ZNF273: variants seen among roughly 807,000 people sequenced by gnomAD.
ZNF273 encodes the protein zinc finger protein 9.
Under a neutral mutation model 14.9 loss-of-function variants are expected in ZNF273, and 11 were observed. The ratio of observed to expected loss-of-function variants is 0.74; its 90% CI spans 0.46 to 1.22. The LOEUF (loss-of-function observed/expected upper bound fraction) is 1.22, where lower values mean the gene tolerates loss of function less well. Ranked by LOEUF, ZNF273 falls within the 50% of genes most tolerant of loss-of-function variation. ZNF273 has a pLI of 0.00. For missense variants in ZNF273, 577 were observed against 660.6 expected (o/e 0.87, Z 1.39); for synonymous variants, 199 against 223.9 (o/e 0.89, Z 0.99).
intron 3 of ZNF273, among the ~76,000 whole-genome samples, chr7:64,927,158 T>C (rs1794804468): frequency 6.6e-6 from 1 of 152,212 alleles, no homozygotes; most frequent in African/African-American, 2.4e-5. Flanking sequence ...AATGGCGTAG[T>C]CTCAGCTCAC....
chr7:64,914,822 A>T (rs1793838133), intron 1 of ZNF273, among the ~76,000 whole-genome samples: 1 of 138,928 alleles, frequency 7.2e-6, no homozygotes, highest in Non-Finnish European at 1.6e-5. Context: ...GGCGGTGCTG[A>T]CACTTCAAAG....
intron 1 of ZNF273, among the ~76,000 whole-genome samples, chr7:64,908,281 G>T (rs1254558596): frequency 2.0e-5 from 3 of 152,176 alleles, no homozygotes; most frequent in Non-Finnish European, 4.4e-5. Flanking sequence ...CGTGGTACAC[G>T]TGCTGATTTG....
At chr7:64,897,068 G>C (rs1331298938) in intron 3 of ZNF273, among the ~76,000 whole-genome samples, 1 of 152,206 alleles carries the variant, frequency 6.6e-6, no homozygotes, top group Non-Finnish European at 1.5e-5. Context: ...GAAGCAGAGA[G>C]TAGAATGATG....
chr7:64,895,777 G>T (rs1386610835), intron 3 of ZNF273, among the ~76,000 whole-genome samples: 2 of 152,086 alleles, frequency 1.3e-5, no homozygotes, highest in African/African-American at 2.4e-5. Context: ...CTCTAAAAGT[G>T]GTATATCAAG....
chr7:64,888,348 C>T, intron 1 of ZNF273: 1 of 985,318 alleles, frequency 1.0e-6, no homozygotes, highest in Admixed American at 6.1e-5. Flanking sequence ...CAAATTCCTG[C>T]TCCCAGGGGG....
intron 3 of ZNF273, among the ~76,000 whole-genome samples, chr7:64,918,742 T>A (rs1319113994): frequency 6.6e-6 from 1 of 152,000 alleles, no homozygotes; most frequent in African/African-American, 2.4e-5. Flanking sequence ...GCTGGATTTT[T>A]TTTTTTCCTT....
downstream of ZNF273, among the ~76,000 whole-genome samples, chr7:64,890,666 G>T (rs1724865271): frequency 6.6e-6 from 1 of 152,214 alleles, no homozygotes; most frequent in Admixed American, 6.5e-5. Flanking sequence ...TTCCATCCAA[G>T]AGCATGAGAG....
chr7:64,929,096 A>G lies in ZNF273; in HGVS notation c.*58A>G, dbSNP rs1361467559. 5 of 411,338 alleles carry G rather than the reference A, an allele frequency of 1.2e-5. No homozygotes were observed. The highest frequency in any genetic ancestry group is 1.3e-5 in the Non-Finnish European group (4 of 298,578). 25.5% of individuals were successfully genotyped at this position (411,338 alleles called of 1,614,324 possible). On this transcript the variant is annotated 3_prime_UTR_variant, in exon 4 of 4. Transcript: ENST00000476120. ...GTTGTCACACTTGATTGTATATAAGATAATTCATACTGGAGAAAACTCCCA... is the reference window on the plus strand; with the variant it reads ...GTTGTCACACTTGATTGTATATAAGGTAATTCATACTGGAGAAAACTCCCA...
At chr7:64,901,449 A>T (rs1283727526), upstream of ZNF273, among the ~76,000 whole-genome samples, 1 of 152,210 alleles carries the variant, frequency 6.6e-6, no homozygotes, top group East Asian at 1.9e-4. Flanking sequence ...TTCTTGGTAG[A>T]CTATTGGTAT....
chr7:64,905,694 T>G (rs1222901957), intron 1 of ZNF273, among the ~76,000 whole-genome samples: 2 of 152,136 alleles, frequency 1.3e-5, no homozygotes, highest in African/African-American at 4.8e-5. Context: ...TGAGGTATAG[T>G]GTCTCCGAAG....
chr7:64,918,659 C>CAAAAAAA (rs1171857179), intron 3 of ZNF273, among the ~76,000 whole-genome samples: 12 of 80,048 alleles, frequency 1.5e-4, no homozygotes, highest in African/African-American at 5.0e-4. Flanking sequence ...GACTCCATCT[C>CAAAAAAA]AAAAAAAAAA....
At chr7:64,936,376 G>A in the ZNF273 span, among the ~76,000 whole-genome samples, 4 of 152,110 alleles carry the variant, frequency 2.6e-5, no homozygotes, top group African/African-American at 9.7e-5. Context: ...GCAATGTGGT[G>A]CACCTCCACT....
upstream of ZNF273, among the ~76,000 whole-genome samples, chr7:64,902,767 C>A (rs1055216853): frequency 6.6e-6 from 1 of 152,106 alleles, no homozygotes; most frequent in Non-Finnish European, 1.5e-5. Context: ...GAGGCGGCTT[C>A]CAGGTCCTAG....
downstream of ZNF273, among the ~76,000 whole-genome samples, chr7:64,890,859 C>T (rs542623835): frequency 7.2e-5 from 11 of 152,350 alleles, no homozygotes; most frequent in South Asian, 2.3e-3. Flanking sequence ...CAAGAACCAG[C>T]AGGCTTCCTT....
chr7:64,884,334 C>G (rs919552143), downstream of ZNF273, among the ~76,000 whole-genome samples: 2 of 152,068 alleles, frequency 1.3e-5, no homozygotes, highest in African/African-American at 4.8e-5. Flanking sequence ...CAGCACAAAC[C>G]CTCTCATTCT....
chr7:64,899,088 G>A (rs1218707580), upstream of ZNF273, among the ~76,000 whole-genome samples: 5 of 152,108 alleles, frequency 3.3e-5, no homozygotes, highest in Non-Finnish European at 7.4e-5. Flanking sequence ...GTATTGCCTT[G>A]GAAACCCTAG....
At chr7:64,933,526 A>C (rs1378782631), downstream of ZNF273, 1 of 152,204 alleles carries the variant, frequency 6.6e-6, no homozygotes, top group Non-Finnish European at 1.5e-5. Context: ...TCTGTACCAG[A>C]AACTCCAGGT....
chr7:64,893,301 G>C (rs1191296959), downstream of ZNF273: 1 of 152,106 alleles, frequency 6.6e-6, no homozygotes, highest in Non-Finnish European at 1.5e-5. Context: ...ACAGTTTTGA[G>C]CACGCATTGC....
intron 1 of ZNF273, among the ~76,000 whole-genome samples, chr7:64,886,787 C>T (rs1461930291): frequency 2.0e-5 from 3 of 152,236 alleles, no homozygotes; most frequent in Admixed American, 1.3e-4. Flanking sequence ...ATGCTTTTTA[C>T]TTTCCATCAA....
Sources: allele counts gnomAD v4.1 joint callset (sites outside exome capture counted in the v4.1 genomes callset), GRCh38; gene constraint gnomAD v4.1.1; transcripts MANE v1.5; gene names NCBI Gene and HGNC (gene_info 2026-07-23, HGNC 2026-07-21).